The following RANBP2 variants were observed in gnomAD, a reference collection of about 807,000 sequenced individuals.
RANBP2 encodes the protein RAN binding protein 2.
A neutral mutation model predicts 303.6 loss-of-function variants in RANBP2; 57 were observed. The ratio of observed to expected loss-of-function variants is 0.19; its 90% CI spans 0.15 to 0.23. The LOEUF is 0.23. Ranked by LOEUF, RANBP2 falls within the 10% of genes least tolerant of loss-of-function variation. The pLI, the probability that RANBP2 is intolerant of heterozygous loss-of-function variation, is 1.00. For missense variants in RANBP2, 3,138 were observed against 3,780.8 expected, an observed-to-expected ratio of 0.83 and a Z score of 4.46; for synonymous variants, 1,167 against 1,301.5, an observed-to-expected ratio of 0.90 and a Z score of 2.23.
chr2:109,338,604 C>T, the RANBP2 span, among the ~76,000 whole-genome samples: 1 of 152,208 alleles, frequency 6.6e-6, no homozygotes, highest in Non-Finnish European at 1.5e-5. Context: ...GTTGCCCAGA[C>T]TGGAATGCAG....
the RANBP2 span, among the ~76,000 whole-genome samples, chr2:109,267,476 G>A: frequency 3.9e-5 from 6 of 152,214 alleles, no homozygotes; most frequent in Non-Finnish European, 7.3e-5. Flanking sequence ...TAAAGACAGA[G>A]TCAGTGTTGC....
At chr2:109,293,774 C>G in the RANBP2 span, among the ~76,000 whole-genome samples, 2 of 152,228 alleles carry the variant, frequency 1.3e-5, no homozygotes, top group African/African-American at 4.8e-5. Flanking sequence ...TGCACCCTCT[C>G]CCAGCTGTAG....
the RANBP2 span, among the ~76,000 whole-genome samples, chr2:109,194,867 C>T: frequency 6.6e-6 from 1 of 151,968 alleles, no homozygotes; most frequent in East Asian, 1.9e-4. Context: ...CCTTAGCTTG[C>T]TACAAACTCA....
At chr2:108,724,600 T>C (rs1558869077) in intron 1 of RANBP2, among the ~76,000 whole-genome samples, 1 of 152,156 alleles carries the variant, frequency 6.6e-6, no homozygotes, top group Non-Finnish European at 1.5e-5. Context: ...TTCTTTCAGT[T>C]CTGTAGCATT....
chr2:108,804,868 G>A, the RANBP2 span: 4 of 1,359,608 alleles, frequency 2.9e-6, no homozygotes, highest in Non-Finnish European at 3.9e-6. Context: ...TTAGATGAGA[G>A]TTTTTTTTTT....
chr2:109,692,198 G>A, the RANBP2 span, among the ~76,000 whole-genome samples: 1 of 151,732 alleles, frequency 6.6e-6, no homozygotes, highest in East Asian at 1.9e-4. Flanking sequence ...AGCCAGACAC[G>A]AAAGGCCACA....
chr2:108,787,197 G>A (rs1477599231), downstream of RANBP2, among the ~76,000 whole-genome samples: 5 of 152,214 alleles, frequency 3.3e-5, no homozygotes, highest in Non-Finnish European at 7.4e-5. Context: ...GCAGTGATGT[G>A]AGTGGAGTTG....
At chr2:108,788,018 C>CTT (rs5833305), downstream of RANBP2, 7,586 of 1,249,594 alleles carry the variant, frequency 6.1e-3, 12 homozygotes, top group South Asian at 0.032. Context: ...TAAATCTTTT[C>CTT]TTTTTTTTTT....
the RANBP2 span, among the ~76,000 whole-genome samples, chr2:108,892,390 C>G: frequency 6.6e-6 from 1 of 152,190 alleles, no homozygotes; most frequent in Admixed American, 6.5e-5. Flanking sequence ...GCAACTGCAA[C>G]CCTTTCCTTG....
the RANBP2 span, among the ~76,000 whole-genome samples, chr2:109,489,516 G>GAT: frequency 2.6e-5 from 4 of 152,176 alleles, no homozygotes; most frequent in Non-Finnish European, 5.9e-5. Flanking sequence ...GGAGAAAGCA[G>GAT]ATGACATTGA....
chr2:109,176,370 AGAGAACACCATGTG>A, the RANBP2 span, among the ~76,000 whole-genome samples: 73 of 151,982 alleles, frequency 4.8e-4, 1 homozygote, highest in Non-Finnish European at 1.6e-4. Context: ...AGATACTCTG[AGAGAACACCATGTG>A]CAATGGAATG....
At chr2:109,229,848 G>A in the RANBP2 span, among the ~76,000 whole-genome samples, 559 of 142,864 alleles carry the variant, frequency 3.9e-3, 4 homozygotes, top group South Asian at 8.2e-3. Context: ...TTTTTGAGGC[G>A]GAGTCTCGCT....
chr2:109,344,182 A>G, the RANBP2 span, among the ~76,000 whole-genome samples: 1 of 152,224 alleles, frequency 6.6e-6, no homozygotes, highest in African/African-American at 2.4e-5. Context: ...TGGGGTCATC[A>G]GAGTGAACAG....
At chr2:109,339,322 G>A in the RANBP2 span, among the ~76,000 whole-genome samples, 45 of 152,292 alleles carry the variant, frequency 3.0e-4, no homozygotes, top group African/African-American at 1.1e-3. Flanking sequence ...CATGAAAAAT[G>A]TATATATAGT....
At chr2:108,837,084 G>C in the RANBP2 span, among the ~76,000 whole-genome samples, 1 of 152,090 alleles carries the variant, frequency 6.6e-6, no homozygotes, top group African/African-American at 2.4e-5. Flanking sequence ...GTACTATAGT[G>C]AACAGAAGTG....
chr2:109,401,426 G>C, the RANBP2 span, among the ~76,000 whole-genome samples: 1 of 152,222 alleles, frequency 6.6e-6, no homozygotes, highest in African/African-American at 2.4e-5. Flanking sequence ...TCTCACTGTA[G>C]TCAGGGACCC....
chr2:109,260,161 G>A, the RANBP2 span, among the ~76,000 whole-genome samples: 13 of 152,048 alleles, frequency 8.5e-5, no homozygotes, highest in East Asian at 1.9e-4. Context: ...ATGCATTCCC[G>A]AGACTTTCCT....
chr2:109,235,606 G>A, the RANBP2 span, among the ~76,000 whole-genome samples: 1 of 152,216 alleles, frequency 6.6e-6, no homozygotes, highest in South Asian at 2.1e-4. Flanking sequence ...CATGGGCCTC[G>A]AAGGCTGTTG....
the RANBP2 span, among the ~76,000 whole-genome samples, chr2:109,386,063 T>C: frequency 6.6e-6 from 1 of 152,210 alleles, no homozygotes; most frequent in Admixed American, 6.5e-5. Context: ...GTGCTAGCTT[T>C]AGGATTGAAA....
Sources: gnomAD v4.1 joint callset for allele counts (sites outside exome capture counted in the v4.1 genomes callset) on GRCh38, gnomAD v4.1.1 for gene constraint, MANE v1.5 for transcripts, NCBI Gene and HGNC (gene_info 2026-07-23, HGNC 2026-07-21) for gene names.